The following SPON1 variants were observed in gnomAD, a reference collection of about 807,000 sequenced individuals.
The protein encoded by SPON1 is spondin 1.
SPON1 carries 52 observed loss-of-function variants against 111.7 expected under a neutral mutation model. The observed-to-expected ratio is 0.47, with a 90% CI of 0.37 to 0.59. SPON1 has a LOEUF of 0.59. SPON1 is among the 20% of genes least tolerant of loss of function. The pLI, the probability that SPON1 is intolerant of heterozygous loss-of-function variation, is 0.00. For synonymous variants in SPON1, 410 were observed against 395.8 expected, an observed-to-expected ratio of 1.04 and a Z score of -0.43; for missense variants, 957 against 1,068.5, an observed-to-expected ratio of 0.90 and a Z score of 1.46.
chr11:14,035,937 A>G (rs1848591464), intron 2 of SPON1, among the ~76,000 whole-genome samples: 1 of 152,116 alleles, frequency 6.6e-6, no homozygotes, highest in South Asian at 2.1e-4. Flanking sequence ...TCATTCTTAC[A>G]GTGCACACTT....
At chr11:14,250,117 G>A (rs982956301) in intron 7 of SPON1, among the ~76,000 whole-genome samples, 16 of 152,150 alleles carry the variant, frequency 1.1e-4, no homozygotes, top group Admixed American at 3.3e-4. Flanking sequence ...TAACTCTGTA[G>A]ATAATATAGA....
intron 6 of SPON1, among the ~76,000 whole-genome samples, chr11:14,188,962 G>A (rs548501497): frequency 2.0e-5 from 3 of 152,350 alleles, no homozygotes; most frequent in African/African-American, 7.2e-5. Flanking sequence ...AAAGAAAAGT[G>A]ATTGGGTTTA....
chr11:13,989,706 C>G (rs1848212843), intron 2 of SPON1, among the ~76,000 whole-genome samples: 1 of 152,188 alleles, frequency 6.6e-6, no homozygotes. Context: ...TCCCTCTATA[C>G]ACTGCTTTAA....
rs1554919392 is a variant in SPON1 at position 14,057,838 on chromosome 11, A to AAAC, written c.479+16186_479+16187insCAA. Among the ~76,000 whole-genome samples the AAAC allele has an allele frequency of 2.3e-4, 27 of 117,826 alleles. 1 individual carries two copies. The highest frequency in any genetic ancestry group is 8.6e-4 in the African/African-American group (25 of 29,054). 77.3% of individuals were successfully genotyped at this position (117,826 alleles called of 152,430 possible). On this transcript the variant is annotated intron_variant, in intron 3 of 15. Transcript: ENST00000576479. ...AGTGAGACCTTGTCTCTACAAAAAA[A>AAAC]AAAAACAAAACAAAAACTTAAAAAT...
At chr11:14,253,163 G>T (rs1849070247) in intron 7 of SPON1, among the ~76,000 whole-genome samples, 2 of 152,154 alleles carry the variant, frequency 1.3e-5, no homozygotes, top group South Asian at 4.1e-4. Context: ...CAAGGCTCAG[G>T]CCAGGTTCTT....
At chr11:14,258,855 C>T (rs1472167027) in intron 11 of SPON1, among the ~76,000 whole-genome samples, 1 of 152,168 alleles carries the variant, frequency 6.6e-6, no homozygotes, top group Non-Finnish European at 1.5e-5. Flanking sequence ...ATTGAAGCCT[C>T]TTTCTTGGGG....
At chr11:14,063,858 A>T (rs557598695) in intron 3 of SPON1, among the ~76,000 whole-genome samples, 1 of 152,336 alleles carries the variant, frequency 6.6e-6, no homozygotes, top group East Asian at 1.9e-4. Context: ...GGTTGCCATC[A>T]GCCAAACTGC....
chr11:14,106,822 T>G (rs1591377148), intron 5 of SPON1, among the ~76,000 whole-genome samples: 1 of 152,242 alleles, frequency 6.6e-6, no homozygotes, highest in East Asian at 1.9e-4. Flanking sequence ...AGTTGATTGA[T>G]TAAATTGAAA....
At chr11:14,009,425 CCCCAA>C (rs367726224) in intron 2 of SPON1, among the ~76,000 whole-genome samples, 8 of 152,278 alleles carry the variant, frequency 5.3e-5, no homozygotes, top group African/African-American at 1.9e-4. Flanking sequence ...TTCCCCTCTG[CCCCAA>C]CCCAACTTTT....
chr11:14,109,835 A>G lies in SPON1; in HGVS notation c.677-25585A>G, dbSNP rs149304467. Among the ~76,000 whole-genome samples, 351 of 152,276 alleles carry G rather than the reference A, an allele frequency of 2.3e-3. 1 individual carries two copies. Among genetic ancestry groups the G allele is most frequent in the African/African-American group, 7.6e-3 (315 of 41,550 alleles). ...TAGAAACTGACACCTTCTGAGAATA[A>G]AGGAGGAAAACTTTTTTCTTCTCTG... On this transcript the variant is annotated intron_variant, in intron 5 of 15. Coordinates refer to ENST00000576479, the MANE Select transcript of SPON1 (RefSeq NM_006108.4).
At position 14,095,146 on chromosome 11, in the gene SPON1, A is replaced by G. The variant is rs553128383; in HGVS notation, c.676+15125A>G. 7.9e-5 allele frequency among the ~76,000 whole-genome samples: 12 copies of G among 152,318 alleles called. No individual in the cohort carries two copies. In the South Asian group the frequency reaches 2.3e-3, roughly 29 times the overall value. On this transcript the variant is annotated intron_variant, in intron 5 of 15. Coordinates refer to ENST00000576479, the MANE Select transcript of SPON1 (RefSeq NM_006108.4). The stretch of plus-strand genomic sequence containing the variant: ...ATCAGGCTCTGAAAAGGATCCTGTC[A>G]GAATTTTAAGTGGGATTGCACTAAG...
intron 2 of SPON1, among the ~76,000 whole-genome samples, chr11:14,013,165 C>G (rs537795837): frequency 1.3e-5 from 2 of 152,312 alleles, no homozygotes; most frequent in East Asian, 3.9e-4. Context: ...TCCAGGCAGT[C>G]CCAGAAGCCC....
intron 5 of SPON1, 50 bp downstream of exon 5, chr11:14,080,071 T>G: frequency 6.2e-7 from 1 of 1,611,434 alleles, no homozygotes; most frequent in Non-Finnish European, 8.5e-7. Context: ...ATTGTCAAAG[T>G]TCTGTCTGGT....
intron 5 of SPON1, among the ~76,000 whole-genome samples, chr11:14,108,730 A>T (rs1849203900): frequency 6.6e-6 from 1 of 152,196 alleles, no homozygotes; most frequent in Admixed American, 6.5e-5. Context: ...CTAATCAGCT[A>T]ATTTTAAGTT....
intron 5 of SPON1, among the ~76,000 whole-genome samples, chr11:14,130,733 A>G (rs929304863): frequency 1.3e-5 from 2 of 152,140 alleles, no homozygotes; most frequent in African/African-American, 2.4e-5. Context: ...CTGTACTTAA[A>G]GATACTTGCA....
At chr11:14,099,513 G>A (rs1254953472) in intron 5 of SPON1, among the ~76,000 whole-genome samples, 2 of 152,008 alleles carry the variant, frequency 1.3e-5, no homozygotes, top group Non-Finnish European at 2.9e-5. Flanking sequence ...GCCCTTCCCA[G>A]GGAATTTAAT....
At chr11:14,086,482 C>G (rs573222663) in intron 5 of SPON1, among the ~76,000 whole-genome samples, 1 of 152,306 alleles carries the variant, frequency 6.6e-6, no homozygotes, top group Admixed American at 6.5e-5. Context: ...AGCCTTGCAT[C>G]CCAGGTATGA....
At chr11:14,082,492 A>G (rs1848970502) in intron 5 of SPON1, among the ~76,000 whole-genome samples, 1 of 152,158 alleles carries the variant, frequency 6.6e-6, no homozygotes, top group Non-Finnish European at 1.5e-5. Flanking sequence ...TGACGTGCTT[A>G]TCTTTGATTC....
At chr11:14,236,538 G>A (rs1278855899) in intron 6 of SPON1, among the ~76,000 whole-genome samples, 3 of 152,162 alleles carry the variant, frequency 2.0e-5, no homozygotes, top group Non-Finnish European at 4.4e-5. Context: ...TGCAATAGAA[G>A]ATTACAGCTT....
Sources: gnomAD v4.1 joint callset for allele counts (sites outside exome capture counted in the v4.1 genomes callset) on GRCh38, gnomAD v4.1.1 for gene constraint, MANE v1.5 for transcripts, NCBI Gene and HGNC (gene_info 2026-07-23, HGNC 2026-07-21) for gene names.